Variants in DOK5 observed in about 807,000 individuals in gnomAD.
DOK5 encodes the protein downstream of tyrosine kinase 5.
DOK5 carries 27 observed loss-of-function variants against 43.3 expected under a neutral mutation model. That is an observed-to-expected ratio of 0.62 (90% CI 0.46 to 0.86). DOK5 has a LOEUF of 0.86. Among genes scored for constraint, DOK5 ranks in the 40% least tolerant of loss-of-function variants. The pLI is 0.00. For missense variants in DOK5, 373 were observed against 392.9 expected, an observed-to-expected ratio of 0.95 and a Z score of 0.43; for synonymous variants, 146 against 140.1, an observed-to-expected ratio of 1.04 and a Z score of -0.30.
intron 6 of DOK5, among the ~76,000 whole-genome samples, chr20:54,625,923 G>C (rs1034704068): frequency 3.9e-5 from 6 of 152,148 alleles, no homozygotes; most frequent in Admixed American, 1.3e-4. Flanking sequence ...CAGGAATCAT[G>C]GTGGGCACGA....
intron 7 of DOK5, among the ~76,000 whole-genome samples, chr20:54,646,121 T>C (rs1979408114): frequency 6.6e-6 from 1 of 152,064 alleles, no homozygotes; most frequent in Non-Finnish European, 1.5e-5. Flanking sequence ...ATTTGAGTTA[T>C]ATCATCACAA....
In DOK5 at chr20:54,640,488, A is replaced by T. The variant is rs144047991; in HGVS notation, c.736-2970A>T. On this transcript the variant is annotated intron_variant, in intron 6 of 7. Coordinates refer to ENST00000262593, the MANE Select transcript of DOK5 (RefSeq NM_018431.5). The stretch of plus-strand genomic sequence containing the variant: ...TGCGTCTTTTCTCCCTGACACAATT[A>T]TGCAGACATTTCTGCATTGTTATAA... Among the ~76,000 whole-genome samples, 456 of 152,362 alleles carry T rather than the reference A, an allele frequency of 3.0e-3. 2 individuals carry two copies. The highest frequency in any genetic ancestry group is 0.01 in the African/African-American group (430 of 41,580).
chr20:54,599,719 G>A (rs539317469), intron 5 of DOK5, among the ~76,000 whole-genome samples: 2 of 152,300 alleles, frequency 1.3e-5, no homozygotes, highest in South Asian at 4.2e-4. Context: ...TGTAGGTGAT[G>A]GCCCACTGGT....
intron 5 of DOK5, among the ~76,000 whole-genome samples, chr20:54,606,760 C>T (rs761335393): frequency 9.9e-5 from 15 of 152,062 alleles, no homozygotes; most frequent in Non-Finnish European, 1.9e-4. Flanking sequence ...ATAGAAGAGA[C>T]CTGATGGAAG....
At chr20:54,606,194 T>C (rs6127232) in intron 5 of DOK5, among the ~76,000 whole-genome samples, 1 of 152,234 alleles carries the variant, frequency 6.6e-6, no homozygotes, top group Non-Finnish European at 1.5e-5. Context: ...CTCAAAACTA[T>C]ACCTGCATCT....
At chr20:54,578,727 T>C (rs1014139976) in intron 2 of DOK5, among the ~76,000 whole-genome samples, 2 of 152,236 alleles carry the variant, frequency 1.3e-5, no homozygotes, top group African/African-American at 2.4e-5. Flanking sequence ...TCCTGTTTCG[T>C]TGCAACAGCT....
At position 54,535,060 on chromosome 20, in the gene DOK5, C is replaced by G. The variant is rs759064979; in HGVS notation, c.67-19873C>G. Among the ~76,000 whole-genome samples, 16 of 152,128 alleles carry G rather than the reference C, an allele frequency of 1.1e-4. 1 individual carries two copies. The highest frequency in any genetic ancestry group is 2.1e-4 in the Non-Finnish European group (14 of 68,032). On this transcript the variant is annotated intron_variant, in intron 1 of 7. Coordinates refer to ENST00000262593, the MANE Select transcript of DOK5 (RefSeq NM_018431.5). ...TCTTGGCCAGGCTGGTCTTGAACTC[C>G]TGACCTCATGATCCACCCGCCTCAG...
At chr20:54,532,207 G>A (rs1983797664) in intron 1 of DOK5, among the ~76,000 whole-genome samples, 1 of 152,172 alleles carries the variant, frequency 6.6e-6, no homozygotes, top group African/African-American at 2.4e-5. Context: ...ACAACCCAGT[G>A]TGGTAGATAG....
chr20:54,559,545 ATGT>A (rs1412689948), intron 2 of DOK5, among the ~76,000 whole-genome samples: 4 of 152,160 alleles, frequency 2.6e-5, no homozygotes, highest in African/African-American at 9.6e-5. Flanking sequence ...TCATGATTAA[ATGT>A]TGTGTGGTCA....
chr20:54,550,567 A>G (rs980450484), intron 1 of DOK5, among the ~76,000 whole-genome samples: 1 of 152,186 alleles, frequency 6.6e-6, no homozygotes, highest in Non-Finnish European at 1.5e-5. Context: ...CTAACTTCAG[A>G]CCATCGTTAA....
chr20:54,485,847 T>C (rs1981911543), intron 1 of DOK5, among the ~76,000 whole-genome samples: 1 of 152,244 alleles, frequency 6.6e-6, no homozygotes, highest in Non-Finnish European at 1.5e-5. Context: ...ATCTTAGCCA[T>C]TCTTCTAGAT....
chr20:54,607,116 C>A (rs571271043), intron 5 of DOK5, among the ~76,000 whole-genome samples: 2 of 152,330 alleles, frequency 1.3e-5, no homozygotes, highest in East Asian at 3.9e-4. Context: ...ACCTGGCTGG[C>A]CTGCCATCTC....
At chr20:54,528,212 A>G (rs1983644614) in intron 1 of DOK5, among the ~76,000 whole-genome samples, 1 of 152,216 alleles carries the variant, frequency 6.6e-6, no homozygotes, top group Non-Finnish European at 1.5e-5. Context: ...GTCTCAAAAC[A>G]AAACAAACCA....
intron 1 of DOK5, among the ~76,000 whole-genome samples, chr20:54,491,347 G>C (rs1364365972): frequency 6.6e-6 from 1 of 152,200 alleles, no homozygotes; most frequent in Non-Finnish European, 1.5e-5. Context: ...AATTATGAAA[G>C]AGGCAAGTCA....
At chr20:54,588,303 T>C (rs1260230525) in intron 2 of DOK5, among the ~76,000 whole-genome samples, 180 bp from the exon 3 acceptor site, 1 of 152,226 alleles carries the variant, frequency 6.6e-6, no homozygotes, top group Non-Finnish European at 1.5e-5. Flanking sequence ...ATCCTTGCGG[T>C]GTGTTACAGA....
intron 5 of DOK5, among the ~76,000 whole-genome samples, chr20:54,601,484 C>A (rs1317882955): frequency 3.3e-5 from 5 of 152,214 alleles, no homozygotes; most frequent in Admixed American, 3.3e-4. Flanking sequence ...TAATAAACAA[C>A]CACTGTCTGT....
chr20:54,518,325 C>T (rs374630600), intron 1 of DOK5, among the ~76,000 whole-genome samples: 51 of 151,570 alleles, frequency 3.4e-4, no homozygotes, highest in African/African-American at 1.2e-3. Context: ...CTTCCTGTGT[C>T]CATGTGTTCT....
At chr20:54,592,121 G>C (rs1027422125) in intron 5 of DOK5, among the ~76,000 whole-genome samples, 1 of 152,110 alleles carries the variant, frequency 6.6e-6, no homozygotes, top group Non-Finnish European at 1.5e-5. Context: ...CATTTCCTGG[G>C]TCAAGCTGAA....
At chr20:54,491,748 A>C (rs1387492057) in intron 1 of DOK5, among the ~76,000 whole-genome samples, 1 of 152,202 alleles carries the variant, frequency 6.6e-6, no homozygotes, top group East Asian at 1.9e-4. Context: ...TCTCCGCAGC[A>C]TCCCACCATT....
Sources: allele counts gnomAD v4.1 joint callset (sites outside exome capture counted in the v4.1 genomes callset), GRCh38; gene constraint gnomAD v4.1.1; transcripts MANE v1.5; gene names NCBI Gene and HGNC (gene_info 2026-07-23, HGNC 2026-07-21).